PDHB: variants seen among roughly 807,000 people sequenced by gnomAD.
PDHB encodes the protein pyruvate dehydrogenase E1 component subunit beta, mitochondrial.
Under a neutral mutation model 42.8 loss-of-function variants are expected in PDHB, and 17 were observed. That is an observed-to-expected ratio of 0.40 (90% CI 0.27 to 0.60). The LOEUF (loss-of-function observed/expected upper bound fraction) is 0.60. PDHB is among the 20% of genes least tolerant of loss of function. The pLI, the probability that PDHB is intolerant of heterozygous loss-of-function variation, is 0.46. For synonymous variants in PDHB, 154 were observed against 148.7 expected (o/e 1.04, Z -0.26); for missense variants, 322 against 451.3 (o/e 0.71, Z 2.60).
In PDHB at chr3:58,430,932, C is replaced by A; in HGVS notation, c.314G>T (p.Arg105Leu). ...IAVGAAMAGL[R>L]PICEFMTFNF... ...GAAGGTCATAAATTCACAAATGGGC[C>A]GCAACCCAGCCTGTAAAATCAAAAA... Residue 105 changes from arginine (R) to leucine (L), a missense_variant, in exon 6 of 10, where the codon CGG becomes CTG. Physicochemically the swap from Arg to Leu is moderately radical, Grantham distance 102. Coordinates refer to ENST00000302746, the MANE Select transcript of PDHB (RefSeq NM_000925.4). 1 of 1,614,064 alleles carries A rather than the reference C, an allele frequency of 6.2e-7. No homozygotes were observed. Among genetic ancestry groups the A allele is most frequent in the Non-Finnish European group, 8.5e-7 (1 of 1,180,034 alleles).
At position 58,431,144 on chromosome 3, in the gene PDHB, A is replaced by T; in HGVS notation, c.304-202T>A. 3.3e-6 allele frequency: 2 copies of T among 609,146 alleles called. No homozygotes were observed. Among genetic ancestry groups the T allele is most frequent in the Non-Finnish European group, 2.9e-6 (1 of 344,268 alleles). 37.7% of individuals were successfully genotyped at this position (609,146 alleles called of 1,614,324 possible). A position where few individuals can be genotyped will look rare whatever the true frequency, so the allele number is the denominator to read the frequency against. On this transcript the variant is annotated intron_variant, in intron 5 of 9. Coordinates refer to ENST00000302746, the MANE Select transcript of PDHB (RefSeq NM_000925.4). This position sits in a 1 kb window ranked among gnomAD's most constrained non-coding sequence, Gnocchi z 4.4. ...CTGCAGCCTCTAACTCCTAGGCTCA[A>T]GTAATCCTTCCTCAGCATCCCGAGT...
In PDHB at chr3:58,429,803, A is replaced by G; in HGVS notation, c.701-4T>C. The G allele has an allele frequency of 6.4e-7, 1 of 1,564,878 alleles. No homozygotes were observed. Among genetic ancestry groups the G allele is most frequent in the Non-Finnish European group, 8.8e-7 (1 of 1,135,034 alleles). Reference sequence around the variant, plus strand: ...GAAACCACAGTTATATGTGTTCCTGAAAACAGAGTGGTCACAGATCAGAGA... The same window carrying G: ...GAAACCACAGTTATATGTGTTCCTGGAAACAGAGTGGTCACAGATCAGAGA... On this transcript the variant is annotated splice_region_variant and splice_polypyrimidine_tract_variant and intron_variant, in intron 7 of 9. Transcript: ENST00000302746.
In PDHB at chr3:58,431,681, G is replaced by A; in HGVS notation, c.267+50C>T. 6.3e-7 allele frequency: 1 copy of A among 1,591,002 alleles called. No homozygotes were observed. On this transcript the variant is annotated intron_variant, in intron 4 of 9. Transcript: ENST00000302746. The surrounding 1 kb of genome is among the most constrained non-coding windows in gnomAD (Gnocchi z 4.4). ...AAAATCCATAAAAATGAGGATAATG[G>A]ACACTAACAGACATGCCCTCCAGGG...
chr3:58,430,622 A>G (rs1206088790), intron 6 of PDHB, 35 bp downstream of exon 6: 5 of 1,585,586 alleles, frequency 3.2e-6, no homozygotes, highest in African/African-American at 1.3e-5. Context: ...TAGTTTTTCA[A>G]TCTTCAAAAA....
At position 58,428,155 on chromosome 3, in the gene PDHB, G is replaced by A. The variant is rs1246493550; in HGVS notation, c.959C>T (p.Ala320Val). The A allele has an allele frequency of 6.2e-7, 1 of 1,613,864 alleles. No homozygotes were observed. The highest frequency in any genetic ancestry group is 8.5e-7 in the Non-Finnish European group (1 of 1,179,842). Residue 320 changes from alanine (A) to valine (V), a missense_variant, in exon 10 of 10, where the codon GCT (alanine) becomes GTT (valine). By Grantham distance (64) the Ala-to-Val change is moderately conservative (BLOSUM62 0). Around this residue, in one of 3 missense-constraint regions of PDHB, gnomAD observed 208 missense variants for 285.0 expected, o/e 0.73. Coordinates refer to ENST00000302746, the MANE Select transcript of PDHB (RefSeq NM_000925.4). The stretch of plus-strand genomic sequence containing the variant: ...AGCACCAGTGACACGAACAGCAGGA[G>A]CATCCAGGAAATTGAACGCAGGACC... Reference protein sequence around the residue: ...MEGPAFNFLDAPAVRVTGADV... With the variant: ...MEGPAFNFLDVPAVRVTGADV...
chr3:58,430,978 G>C (rs763818341), intron 5 of PDHB, 36 bp from the exon 6 acceptor site: 3 of 1,600,238 alleles, frequency 1.9e-6, no homozygotes, highest in Non-Finnish European at 2.6e-6. Flanking sequence ...AAAAAGACTA[G>C]AAACAGCAAC....
Position 58,431,590 on chromosome 3 carries a change from T to C in PDHB, c.303+3A>G, listed in dbSNP as rs1226646723. ...GATAAGTTTCATAAAGAGTATTACA[T>C]ACCATAGCTGCACCTACAGCAATTC... On this transcript the variant is annotated splice_donor_region_variant and intron_variant, in intron 5 of 9. Coordinates refer to ENST00000302746, the MANE Select transcript of PDHB (RefSeq NM_000925.4). The surrounding 1 kb of genome is among the most constrained non-coding windows in gnomAD (Gnocchi z 4.4). 24 of 1,597,822 alleles carry C rather than the reference T, an allele frequency of 1.5e-5. No homozygotes were observed. Among genetic ancestry groups the C allele is most frequent in the Non-Finnish European group, 2.1e-5 (24 of 1,166,840 alleles).
Position 58,433,829 on chromosome 3 carries a change from C to G in PDHB, c.-20G>C. 1.9e-6 allele frequency: 3 copies of G among 1,606,730 alleles called. No homozygotes were observed. The highest frequency in any genetic ancestry group is 2.5e-6 in the Non-Finnish European group (3 of 1,177,430). ...CGCCATCTTGGTCGTGTCCTCTATC[C>G]GCTGCCAAACGACAACAGAGGGGCC... On this transcript the variant is annotated 5_prime_UTR_variant, in exon 1 of 10. Transcript: ENST00000302746.
In PDHB at chr3:58,430,513, C is replaced by G. The variant is rs2062910682; in HGVS notation, c.589+144G>C. 3.9e-6 allele frequency: 3 copies of G among 769,958 alleles called. No individual in the cohort carries two copies. In the Admixed American group the frequency reaches 7.7e-5, roughly 20 times the overall value. The allele number at this position is 769,958 out of a possible 1,614,324, so 47.7% of individuals were successfully genotyped here. On this transcript the variant is annotated intron_variant, in intron 6 of 9. Coordinates refer to ENST00000302746, the MANE Select transcript of PDHB (RefSeq NM_000925.4). ...CGGAAATAGGAAAAGCAAGCACATT[C>G]TTTACTATCTTTACTATATAAAGTA...
Position 58,433,751 on chromosome 3 carries a change from C to A in PDHB, c.42+17G>T. The A allele has an allele frequency of 6.2e-7, 1 of 1,612,306 alleles. No homozygotes were observed. The highest frequency in any genetic ancestry group is 8.5e-7 in the Non-Finnish European group (1 of 1,179,566). ...GCAGGGGTCGCGTGGGAATACAGGC[C>A]GCGCGCTGCTGCCTACCTCCCGAAG... On this transcript the variant is annotated intron_variant, in intron 1 of 9. Coordinates refer to ENST00000302746, the MANE Select transcript of PDHB (RefSeq NM_000925.4).
chr3:58,431,479 T>C lies in PDHB; in HGVS notation c.303+114A>G. On this transcript the variant is annotated intron_variant, in intron 5 of 9. Coordinates refer to ENST00000302746, the MANE Select transcript of PDHB (RefSeq NM_000925.4). This position sits in a 1 kb window ranked among gnomAD's most constrained non-coding sequence, Gnocchi z 4.4. ...AGGAGAATTGCTTGAACCTGGAAGC[T>C]GAGATGGTGCCAGTGCACTCCAGGC... The C allele has an allele frequency of 3.6e-6, 3 of 844,688 alleles. No homozygotes were observed. The highest frequency in any genetic ancestry group is 4.0e-6 in the Non-Finnish European group (2 of 495,770). The allele number at this position is 844,688 out of a possible 1,614,324, so 52.3% of individuals were successfully genotyped here.
chr3:58,431,806 G>C lies in PDHB; in HGVS notation c.205-13C>G. The C allele has an allele frequency of 6.2e-7, 1 of 1,612,434 alleles. No individual in the cohort carries two copies. The highest frequency in any genetic ancestry group is 8.5e-7 in the Non-Finnish European group (1 of 1,178,470). ...GCCCTCGACTAACCTACAATTAAGA[G>C]TTGATCCCTTAAGTGTATCTGGGGG... On this transcript the variant is annotated splice_polypyrimidine_tract_variant and intron_variant, in intron 3 of 9. Coordinates refer to ENST00000302746, the MANE Select transcript of PDHB (RefSeq NM_000925.4). The surrounding 1 kb of genome is among the most constrained non-coding windows in gnomAD (Gnocchi z 4.4).
chr3:58,428,216 G>T, intron 9 of PDHB, 37 bp from the exon 10 acceptor site: 1 of 1,603,620 alleles, frequency 6.2e-7, no homozygotes, highest in Non-Finnish European at 8.5e-7. Flanking sequence ...GAGTGCAAAT[G>T]CCAGCTGGGC....
chr3:58,431,606 A>T lies in PDHB; in HGVS notation c.290T>A (p.Val97Glu). The change falls in exon 5 of 10, where the codon GTA (valine) becomes GAA (glutamate). Residue 97 changes from valine (V) to glutamate (E), a missense_variant. Val to Glu is a moderately radical substitution (Grantham distance 121). This residue lies in a region of PDHB where 56 missense variants were observed against 124.2 expected (regional missense o/e 0.45). Transcript: ENST00000302746. This position sits in a 1 kb window ranked among gnomAD's most constrained non-coding sequence, Gnocchi z 4.4. ...AGTATTACATACCATAGCTGCACCT[A>T]CAGCAATTCCAGCAAAGCCCATCTA... ...ISEMGFAGIA[V>E]GAAMAGLRPI... is the part of the protein sequence containing the mutation. 6.2e-7 allele frequency: 1 copy of T among 1,605,852 alleles called. No homozygotes were observed. Among genetic ancestry groups the T allele is most frequent in the Non-Finnish European group, 8.5e-7 (1 of 1,173,714 alleles).
intron 6 of PDHB, 77 bp from the exon 7 acceptor site, chr3:58,430,315 T>C: frequency 1.0e-6 from 1 of 1,003,482 alleles, no homozygotes; most frequent in Non-Finnish European, 1.5e-6. Context: ...AGCAATATCA[T>C]TCATCTTGTG....
At chr3:58,429,969 C>T in intron 7 of PDHB, 159 bp downstream of exon 7, 2 of 731,104 alleles carry the variant, frequency 2.7e-6, no homozygotes, top group Non-Finnish European at 5.0e-6. Context: ...ACCTACCAGA[C>T]TGAGATCTAG....
Position 58,429,809 on chromosome 3 carries a change from G to A in PDHB, c.701-10C>T. 6.5e-7 allele frequency: 1 copy of A among 1,534,516 alleles called. No individual in the cohort carries two copies. The highest frequency in any genetic ancestry group is 9.0e-7 in the Non-Finnish European group (1 of 1,107,480). ...ACAGTTATATGTGTTCCTGAAAACA[G>A]AGTGGTCACAGATCAGAGATCAGGT... On this transcript the variant is annotated splice_polypyrimidine_tract_variant and intron_variant, in intron 7 of 9. Coordinates refer to ENST00000302746, the MANE Select transcript of PDHB (RefSeq NM_000925.4).
At chr3:58,432,225 G>C (rs958738680) in intron 2 of PDHB, 2 of 524,074 alleles carry the variant, frequency 3.8e-6, no homozygotes, top group African/African-American at 1.9e-5. Flanking sequence ...TTTGCATCCA[G>C]AATGTAGGAG....
Position 58,430,817 on chromosome 3 carries a change from G to C in PDHB, c.429C>G (p.Val143=). 1 of 1,614,184 alleles carries C rather than the reference G, an allele frequency of 6.2e-7. No homozygotes were observed. The part of the protein sequence containing the change: ...MSGGLQPVPI[V]FRGPNGASAG... ...CTGAGGCACCATTGGGCCCTCTGAAGACTATAGGCACAGGCTGAAGGCCAC... is the reference window on the plus strand; with the variant it reads ...CTGAGGCACCATTGGGCCCTCTGAACACTATAGGCACAGGCTGAAGGCCAC... The change falls in exon 6 of 10, where the codon GTC becomes GTG. Residue 143 remains valine, a synonymous_variant. Transcript: ENST00000302746.
Sources: gnomAD v4.1 joint callset for allele counts on GRCh38, gnomAD v4.1.1 for gene constraint, gnomAD v4.1.1 regional missense constraint, Gnocchi (gnomAD v3.1) non-coding constraint, MANE v1.5 for transcripts, NCBI Gene and HGNC (gene_info 2026-07-23, HGNC 2026-07-21) for gene names.